Variants in GFM1 observed in about 807,000 individuals in gnomAD.
The protein encoded by GFM1 is G elongation factor mitochondrial 1.
A neutral mutation model predicts 96.2 loss-of-function variants in GFM1; 62 were observed. The observed-to-expected ratio is 0.64, with a 90% CI of 0.53 to 0.80. The LOEUF (loss-of-function observed/expected upper bound fraction) is 0.80. Among genes scored for constraint, GFM1 ranks in the 30% least tolerant of loss-of-function variants. GFM1 has a pLI of 0.00. For missense variants in GFM1, 852 were observed against 916.6 expected (o/e 0.93, Z 0.91); for synonymous variants, 282 against 312.9 (o/e 0.90, Z 1.04).
At chr3:158,679,908 CTG>C (rs1176185000) in intron 13 of GFM1, among the ~76,000 whole-genome samples, 1 of 152,150 alleles carries the variant, frequency 6.6e-6, no homozygotes, top group Non-Finnish European at 1.5e-5. Flanking sequence ...GTCACCATCT[CTG>C]TATATCAAAG....
intron 5 of GFM1, among the ~76,000 whole-genome samples, chr3:158,651,443 T>C (rs555983685): frequency 6.6e-6 from 1 of 151,906 alleles, no homozygotes; most frequent in Non-Finnish European, 1.5e-5. Context: ...ACTTTGCCTG[T>C]GTAAGTTAGT....
chr3:158,655,129 C>T (rs1323361703), intron 8 of GFM1, among the ~76,000 whole-genome samples: 2 of 152,056 alleles, frequency 1.3e-5, no homozygotes, highest in African/African-American at 4.8e-5. Flanking sequence ...TTCAGCTCAC[C>T]TTATAAAACC....
intron 15 of GFM1, chr3:158,685,003 T>G: frequency 1.1e-5 from 1 of 90,880 alleles, no homozygotes; most frequent in South Asian, 1.3e-4. Flanking sequence ...AACTACAGTC[T>G]TATTTCTAGT....
Position 158,691,887 on chromosome 3 carries a change from CT to C in GFM1, c.*423del, listed in dbSNP as rs1726351404. The C allele has an allele frequency of 5.5e-6, 1 of 181,270 alleles. No homozygotes were observed. The highest frequency in any genetic ancestry group is 5.6e-5 in the Admixed American group (1 of 17,932). The allele number at this position is 181,270 out of a possible 1,614,324, so 11.2% of individuals were successfully genotyped here. A position where few individuals can be genotyped will look rare whatever the true frequency, so the allele number is the denominator to read the frequency against. On this transcript the variant is annotated 3_prime_UTR_variant, in exon 18 of 18. Coordinates refer to ENST00000486715, the MANE Select transcript of GFM1 (RefSeq NM_024996.7). ...AACCACATACTTTCCATCTACCTTC[CT>C]TTGTTAACGGGTTGTTTATCATATA...
At chr3:158,645,582 C>T in intron 1 of GFM1, 47 bp from the exon 2 acceptor site, 5 of 1,489,806 alleles carry the variant, frequency 3.4e-6, no homozygotes, top group South Asian at 1.1e-5. Context: ...GTCTGTTGTT[C>T]TCTCTTATAA....
chr3:158,677,437 T>C (rs1275346492), intron 13 of GFM1, among the ~76,000 whole-genome samples: 1 of 152,234 alleles, frequency 6.6e-6, no homozygotes, highest in Admixed American at 6.5e-5. Context: ...ATGTGGAAGC[T>C]GCAGCAATGA....
chr3:158,669,495 T>A, intron 13 of GFM1: 1 of 1,614,000 alleles, frequency 6.2e-7, no homozygotes, highest in Non-Finnish European at 8.5e-7. Flanking sequence ...AAATGTGTTG[T>A]CTTCTTCATC....
intron 8 of GFM1, among the ~76,000 whole-genome samples, chr3:158,655,530 A>C (rs1026596439): frequency 6.6e-6 from 1 of 152,128 alleles, no homozygotes; most frequent in Non-Finnish European, 1.5e-5. Flanking sequence ...TTTGATAAAT[A>C]AACTGAGGTA....
rs963320998 is a variant in GFM1 at position 158,644,586 on chromosome 3, C to G, written c.-49C>G. The G allele has an allele frequency of 2.0e-6, 3 of 1,502,370 alleles. No homozygotes were observed. Among genetic ancestry groups the G allele is most frequent in the Non-Finnish European group, 1.8e-6 (2 of 1,104,452 alleles). The allele number at this position is 1,502,370 out of a possible 1,614,324, so 93.1% of individuals were successfully genotyped here. On this transcript the variant is annotated 5_prime_UTR_variant, in exon 1 of 18. Transcript: ENST00000486715. ...CCGCTTCCCGGTGCGTTACCGGCAG[C>G]TGAACCCACCCGGCGCCACGGGACT...
intron 15 of GFM1, among the ~76,000 whole-genome samples, chr3:158,687,909 A>C (rs1302208797): frequency 1.3e-5 from 2 of 152,230 alleles, no homozygotes; most frequent in Non-Finnish European, 2.9e-5. Context: ...AGTTCTTGCC[A>C]CACTCAGCAA....
rs746652722 is a variant in GFM1, at chr3:158,691,170, C to T, written c.2102C>T (p.Thr701Ile). The T allele has an allele frequency of 1.9e-6, 3 of 1,612,498 alleles. No individual in the cohort carries two copies. The African/African-American group carries it at 4.0e-5, about 22-fold the overall frequency. The change falls in exon 17 of 18, where the codon ACT (threonine) becomes ATT (isoleucine). Residue 701 changes from threonine to isoleucine, a missense_variant. Coordinates refer to ENST00000486715, the MANE Select transcript of GFM1 (RefSeq NM_024996.7). Reference sequence around the variant, plus strand: ...CTAAATGATATGTTTGGTTATTCCACTGAACTTAGGTCATGCACAGAGGTA... The same window carrying T: ...CTAAATGATATGTTTGGTTATTCCATTGAACTTAGGTCATGCACAGAGGTA... ...VPLNDMFGYSTELRSCTEGKG... is the reference protein window; with the variant it reads ...VPLNDMFGYSIELRSCTEGKG...
chr3:158,649,901 C>A, intron 5 of GFM1: 1 of 951,596 alleles, frequency 1.1e-6, no homozygotes, highest in Non-Finnish European at 1.6e-6. Flanking sequence ...TCTTACAGGT[C>A]TGCAGACCAC....
chr3:158,676,409 AAAAT>A (rs1259277144), intron 13 of GFM1, among the ~76,000 whole-genome samples: 12 of 152,342 alleles, frequency 7.9e-5, no homozygotes, highest in Middle Eastern at 6.8e-3. Context: ...GAAAAACATG[AAAAT>A]AAATATATAT....
chr3:158,681,063 C>T (rs894928694), intron 13 of GFM1, among the ~76,000 whole-genome samples: 3 of 152,108 alleles, frequency 2.0e-5, no homozygotes, highest in African/African-American at 7.2e-5. Context: ...TGTCAGCGTT[C>T]CACAGTTTTG....
chr3:158,653,565 A>AT lies in GFM1; in HGVS notation c.998+106dup, dbSNP rs202026103. 9.0e-4 allele frequency: 814 copies of AT among 907,686 alleles called. 1 individual carries two copies. The African/African-American group carries it at 0.011, about 13-fold the overall frequency. 56.2% of individuals were successfully genotyped at this position (907,686 alleles called of 1,614,324 possible). A position where few individuals can be genotyped will look rare whatever the true frequency, so the allele number is the denominator to read the frequency against. On this transcript the variant is annotated intron_variant, in intron 7 of 17. Coordinates refer to ENST00000486715, the MANE Select transcript of GFM1 (RefSeq NM_024996.7). Reference sequence around the variant, plus strand: ...GATAGTTCTTTTAATTATGTCTGTGATTTTTTTTCATAATTTACAATCATG... The same window carrying AT: ...GATAGTTCTTTTAATTATGTCTGTGATTTTTTTTTCATAATTTACAATCATG...
At chr3:158,659,960 A>T (rs1723067056) in intron 9 of GFM1, among the ~76,000 whole-genome samples, 1 of 152,200 alleles carries the variant, frequency 6.6e-6, no homozygotes, top group Admixed American at 6.5e-5. Flanking sequence ...AAAGAAAGAC[A>T]TGCTTACTCA....
Position 158,646,763 on chromosome 3 carries a change from G to C in GFM1, c.388G>C (p.Glu130Gln). ...TTCAGGGCATGTGGACTTCACAATAGAAGTGGAAAGGGCCCTGAGAGTGTT... is the reference window on the plus strand; with the variant it reads ...TTCAGGGCATGTGGACTTCACAATACAAGTGGAAAGGGCCCTGAGAGTGTT... ...DTPGHVDFTI[E>Q]VERALRVLDG... Residue 130 changes from glutamate (E) to glutamine (Q), a missense_variant, in exon 4 of 18, where the codon GAA (glutamate) becomes CAA (glutamine). Transcript: ENST00000486715. The C allele has an allele frequency of 1.9e-6, 3 of 1,613,874 alleles. No homozygotes were observed. The highest frequency in any genetic ancestry group is 2.5e-6 in the Non-Finnish European group (3 of 1,179,940).
chr3:158,659,122 G>A, intron 9 of GFM1, 63 bp downstream of exon 9: 1 of 1,559,364 alleles, frequency 6.4e-7, no homozygotes, highest in South Asian at 1.1e-5. Flanking sequence ...GACCCTTCTT[G>A]GTATCCTGAG....
rs778333897 is a variant in GFM1 at position 158,662,609 on chromosome 3, CT to C, written c.1324-15del. ...GTCTGTTTTTTAATTCTTCTGTTTTCTTTTAAAAAATATTTTAGGAGTCAAT... is the reference window on the plus strand; with the variant it reads ...GTCTGTTTTTTAATTCTTCTGTTTTCTTTAAAAAATATTTTAGGAGTCAAT... On this transcript the variant is annotated intron_variant, in intron 10 of 17. Transcript: ENST00000486715. The C allele has an allele frequency of 2.0e-6, 3 of 1,510,900 alleles. No homozygotes were observed. The highest frequency in any genetic ancestry group is 2.8e-6 in the Non-Finnish European group (3 of 1,087,254). The allele number at this position is 1,510,900 out of a possible 1,614,324, so 93.6% of individuals were successfully genotyped here. A position where few individuals can be genotyped will look rare whatever the true frequency, so the allele number is the denominator to read the frequency against.
Sources: allele counts gnomAD v4.1 joint callset (sites outside exome capture counted in the v4.1 genomes callset), GRCh38; gene constraint gnomAD v4.1.1; transcripts MANE v1.5; gene names NCBI Gene and HGNC (gene_info 2026-07-23, HGNC 2026-07-21).